The following RPS6KA1 variants were observed in gnomAD, a reference collection of about 807,000 sequenced individuals.
The protein encoded by RPS6KA1 is ribosomal protein S6 kinase A1.
Under a neutral mutation model 91.3 loss-of-function variants are expected in RPS6KA1, and 48 were observed. The ratio of observed to expected loss-of-function variants is 0.53; its 90% CI spans 0.42 to 0.67. The LOEUF is 0.67. Ranked by LOEUF, RPS6KA1 falls within the 30% of genes least tolerant of loss-of-function variation. The pLI, the probability that RPS6KA1 is intolerant of heterozygous loss-of-function variation, is 0.00. For synonymous variants in RPS6KA1, 359 were observed against 384.7 expected, an observed-to-expected ratio of 0.93 and a Z score of 0.78; for missense variants, 719 against 960.5, an observed-to-expected ratio of 0.75 and a Z score of 3.32.
At chr1:26,536,900 C>G in intron 1 of RPS6KA1, 25 bp from the exon 2 acceptor site, 2 of 1,613,852 alleles carry the variant, frequency 1.2e-6, no homozygotes, top group Non-Finnish European at 1.7e-6. Flanking sequence ...GACAGTGCTC[C>G]CCCAATCTCC....
Position 26,571,742 on chromosome 1 carries a change from C to A in RPS6KA1, c.1753-107C>A. The A allele has an allele frequency of 2.0e-6, 3 of 1,479,452 alleles. No homozygotes were observed. The highest frequency in any genetic ancestry group is 1.8e-6 in the Non-Finnish European group (2 of 1,090,194). The allele number at this position is 1,479,452 out of a possible 1,614,324, so 91.6% of individuals were successfully genotyped here. On this transcript the variant is annotated intron_variant, in intron 18 of 21. Transcript: ENST00000374168. This position sits in a 1 kb window ranked among gnomAD's most constrained non-coding sequence, Gnocchi z 5.1. ...GCCCAGCTGGCAAGGGAAGATCTAG[C>A]CTGTGCCTGGGACCCTTGTCCTGCC...
intron 2 of RPS6KA1, among the ~76,000 whole-genome samples, chr1:26,544,868 C>T (rs912911166): frequency 6.6e-6 from 1 of 152,116 alleles, no homozygotes; most frequent in Non-Finnish European, 1.5e-5. Flanking sequence ...CCTGCCTTTG[C>T]CTGTTGGGTA....
chr1:26,546,990 C>A lies in RPS6KA1; in HGVS notation c.225+7C>A. 1 of 1,608,230 alleles carries A rather than the reference C, an allele frequency of 6.2e-7. No homozygotes were observed. The highest frequency in any genetic ancestry group is 1.1e-5 in the South Asian group (1 of 90,950). On this transcript the variant is annotated splice_region_variant and intron_variant, in intron 3 of 21. Coordinates refer to ENST00000374168, the MANE Select transcript of RPS6KA1 (RefSeq NM_002953.4). ...CCAGGGATCCTTTGGCAAAGTGAGT[C>A]ATGAGCCCATAGCTGTGAAGGCAAC... is the stretch of plus-strand genomic sequence containing the variant.
In RPS6KA1 at chr1:26,574,186, A is replaced by G. The variant is rs2076276374; in HGVS notation, c.2193A>G (p.Pro731=). ...CCCAGCGGCGAGTGAGGAAGTTGCC[A>G]TCCACCACCCTGTGAGGCACCAGGG... ...ILAQRRVRKL[P]STTL is the part of the protein sequence containing the mutation. The change falls in exon 22 of 22, where the codon CCA becomes CCG. Residue 731 remains proline (P), a synonymous_variant. Transcript: ENST00000374168. The surrounding 1 kb of genome is among the most constrained non-coding windows in gnomAD (Gnocchi z 4.3). The G allele has an allele frequency of 6.2e-7, 1 of 1,614,146 alleles. No homozygotes were observed. The highest frequency in any genetic ancestry group is 8.5e-7 in the Non-Finnish European group (1 of 1,180,034).
intron 17 of RPS6KA1, among the ~76,000 whole-genome samples, chr1:26,563,922 A>G (rs1033617147): frequency 6.6e-6 from 1 of 152,158 alleles, no homozygotes; most frequent in Non-Finnish European, 1.5e-5. Flanking sequence ...CAGGAGTTCA[A>G]GACCAGCTTG....
intron 1 of RPS6KA1, among the ~76,000 whole-genome samples, chr1:26,533,156 T>TG (rs2075879871): frequency 6.6e-6 from 1 of 152,162 alleles, no homozygotes; most frequent in Non-Finnish European, 1.5e-5. Flanking sequence ...CTCGGCTCAC[T>TG]GCAACCTCCA....
chr1:26,530,073 G>A, intron 1 of RPS6KA1, 90 bp downstream of exon 1: 1 of 940,518 alleles, frequency 1.1e-6, no homozygotes, highest in Non-Finnish European at 1.4e-6. Context: ...GCTGCAGTCC[G>A]GCGGGCGCCC....
At chr1:26,564,016 T>C (rs1229050495) in intron 17 of RPS6KA1, among the ~76,000 whole-genome samples, 1 of 152,066 alleles carries the variant, frequency 6.6e-6, no homozygotes, top group African/African-American at 2.4e-5. Flanking sequence ...CCAGCTACTC[T>C]GGTGGCTGAG....
intron 2 of RPS6KA1, among the ~76,000 whole-genome samples, chr1:26,539,029 C>T (rs1029008524): frequency 3.9e-5 from 6 of 152,194 alleles, no homozygotes; most frequent in African/African-American, 1.4e-4. Context: ...CTTCGAGAAG[C>T]TTCCAATCTT....
chr1:26,549,793 G>A (rs891767614), intron 4 of RPS6KA1, among the ~76,000 whole-genome samples: 7 of 140,562 alleles, frequency 5.0e-5, no homozygotes, highest in East Asian at 2.3e-4. Flanking sequence ...CCTCCGCTCC[G>A]CAGGTTCAGG....
chr1:26,568,974 T>C (rs2076226983), intron 17 of RPS6KA1, among the ~76,000 whole-genome samples: 1 of 152,024 alleles, frequency 6.6e-6, no homozygotes, highest in African/African-American at 2.4e-5. Context: ...GGTGGGAAGA[T>C]CACTTGAGGC....
rs576511226 is a variant in RPS6KA1 at position 26,574,574 on chromosome 1, T to TG, written c.*376dup. On this transcript the variant is annotated 3_prime_UTR_variant, in exon 22 of 22. Transcript: ENST00000374168. This position sits in a 1 kb window ranked among gnomAD's most constrained non-coding sequence, Gnocchi z 4.3. Reference sequence around the variant, plus strand: ...TCTCTGAGACTCTTTAGAGCAGCTTTGGGATCCCACCCTGGGGACCCCCAC... The same window carrying TG: ...TCTCTGAGACTCTTTAGAGCAGCTTTGGGGATCCCACCCTGGGGACCCCCAC... The TG allele has an allele frequency of 4.8e-6, 2 of 414,770 alleles. No homozygotes were observed. Among genetic ancestry groups the TG allele is most frequent in the Non-Finnish European group, 9.6e-6 (2 of 208,426 alleles). 25.7% of individuals were successfully genotyped at this position (414,770 alleles called of 1,614,324 possible). A position where few individuals can be genotyped will look rare whatever the true frequency, so the allele number is the denominator to read the frequency against.
At chr1:26,572,061 A>G in intron 19 of RPS6KA1, 115 bp from the exon 20 acceptor site, 3 of 1,300,964 alleles carry the variant, frequency 2.3e-6, no homozygotes, top group Non-Finnish European at 3.3e-6. Context: ...TCCTGCCTCC[A>G]GGAGCTCTAC....
chr1:26,559,699 T>C (rs1265250452), intron 14 of RPS6KA1, among the ~76,000 whole-genome samples: 2 of 152,094 alleles, frequency 1.3e-5, no homozygotes, highest in East Asian at 3.8e-4. Flanking sequence ...GATGAGATAC[T>C]CCCTTCCTCG....
At chr1:26,545,898 C>A in intron 2 of RPS6KA1, 1 of 1,569,428 alleles carries the variant, frequency 6.4e-7, no homozygotes, top group African/African-American at 1.4e-5. Flanking sequence ...CCCTGCTGGG[C>A]GGATGGAGCA....
chr1:26,548,395 C>T (rs746511511), intron 4 of RPS6KA1, among the ~76,000 whole-genome samples: 8 of 152,002 alleles, frequency 5.3e-5, no homozygotes, highest in Non-Finnish European at 1.2e-4. Context: ...ACCTAAGGAG[C>T]GGGAAGCCTT....
chr1:26,536,765 C>T (rs1330920508), intron 1 of RPS6KA1, among the ~76,000 whole-genome samples, 160 bp from the exon 2 acceptor site: 1 of 152,208 alleles, frequency 6.6e-6, no homozygotes, highest in Non-Finnish European at 1.5e-5. Flanking sequence ...GTGCCTACAC[C>T]ATGAAAGTGG....
At chr1:26,565,487 A>G (rs2076191370) in intron 17 of RPS6KA1, among the ~76,000 whole-genome samples, 1 of 152,156 alleles carries the variant, frequency 6.6e-6, no homozygotes, top group South Asian at 2.1e-4. Flanking sequence ...CAACCTGAGG[A>G]TAACCATCCT....
Position 26,554,688 on chromosome 1 carries a change from C to T in RPS6KA1, c.706C>T (p.Arg236Cys), listed in dbSNP as rs774322176. Residue 236 changes from arginine to cysteine, a missense_variant, in exon 9 of 22, where the codon CGC (arginine) becomes TGC (cysteine). Arg to Cys is a radical substitution (Grantham distance 180). Transcript: ENST00000374168. This position sits in a 1 kb window ranked among gnomAD's most constrained non-coding sequence, Gnocchi z 4.6. ...GTACATGGCCCCTGAGGTCGTCAAC[C>T]GCCAGGGCCACTCCCATAGTGCGGA... ...VEYMAPEVVN[R>C]QGHSHSADWW... 11 of 1,612,900 alleles carry T rather than the reference C, an allele frequency of 6.8e-6. No individual in the cohort carries two copies. The highest frequency in any genetic ancestry group is 4.4e-5 in the South Asian group (4 of 91,060).
Sources: allele counts gnomAD v4.1 joint callset (sites outside exome capture counted in the v4.1 genomes callset), GRCh38; gene constraint gnomAD v4.1.1; non-coding constraint Gnocchi (gnomAD v3.1); transcripts MANE v1.5; gene names NCBI Gene and HGNC (gene_info 2026-07-23, HGNC 2026-07-21).